SLC14A2: variants seen among roughly 807,000 people sequenced by gnomAD.
The protein encoded by SLC14A2 is urea transporter 2.
SLC14A2 carries 91 observed loss-of-function variants against 104.6 expected under a neutral mutation model. That is an observed-to-expected ratio of 0.87 (90% CI 0.73 to 1.04). The LOEUF is 1.04. Among genes scored for constraint, SLC14A2 ranks in the 50% least tolerant of loss-of-function variants. The probability of loss-of-function intolerance (pLI) is 0.00; values close to 1 mark genes in which losing one functional copy is unlikely to be tolerated. For missense variants in SLC14A2, 1,189 were observed against 1,156.0 expected (o/e 1.03, Z -0.41); for synonymous variants, 476 against 466.4 (o/e 1.02, Z -0.27).
chr18:45,587,105 G>A (rs897501082), intron 2 of SLC14A2, among the ~76,000 whole-genome samples: 1 of 152,084 alleles, frequency 6.6e-6, no homozygotes, highest in Non-Finnish European at 1.5e-5. Context: ...CTACTGACTA[G>A]CTGGGATTAC....
intron 2 of SLC14A2, among the ~76,000 whole-genome samples, chr18:45,600,794 A>G (rs564600012): frequency 6.6e-6 from 1 of 152,320 alleles, no homozygotes; most frequent in South Asian, 2.1e-4. Context: ...CTTCCCTTAC[A>G]AAACGCAAAT....
chr18:45,643,223 C>T, intron 9 of SLC14A2, 42 bp downstream of exon 9: 2 of 1,564,318 alleles, frequency 1.3e-6, no homozygotes, highest in South Asian at 1.1e-5. Context: ...AAGTGCTCTT[C>T]CCAGAGCTTC....
intron 1 of SLC14A2, among the ~76,000 whole-genome samples, chr18:45,352,954 T>C (rs922135011): frequency 6.6e-6 from 1 of 152,020 alleles, no homozygotes; most frequent in Non-Finnish European, 1.5e-5. Flanking sequence ...TATAGACAAA[T>C]AAAAAGTGAC....
intron 2 of SLC14A2, among the ~76,000 whole-genome samples, chr18:45,549,739 T>A (rs1372561224): frequency 6.6e-6 from 1 of 152,138 alleles, no homozygotes; most frequent in African/African-American, 2.4e-5. Context: ...TCCATCAGAG[T>A]AATAAGCTCT....
chr18:45,674,266 T>C (rs185184839), intron 18 of SLC14A2, among the ~76,000 whole-genome samples: 199 of 152,334 alleles, frequency 1.3e-3, no homozygotes, highest in African/African-American at 4.6e-3. Context: ...GTTATATGAC[T>C]GGAAACCAAA....
intron 10 of SLC14A2, chr18:45,647,155 T>C (rs1256542430): frequency 2.0e-5 from 3 of 152,242 alleles, no homozygotes; most frequent in African/African-American, 7.2e-5. Flanking sequence ...CTTGTCCTGC[T>C]GCACTTTAAA....
chr18:45,268,992 A>C (rs2084622775), intron 1 of SLC14A2, among the ~76,000 whole-genome samples: 1 of 82,224 alleles, frequency 1.2e-5, no homozygotes, highest in African/African-American at 7.6e-5. Flanking sequence ...GTGTGTACAA[A>C]ACGGGATGGG....
At chr18:45,321,602 T>C (rs995637078) in intron 1 of SLC14A2, among the ~76,000 whole-genome samples, 14 of 151,670 alleles carry the variant, frequency 9.2e-5, no homozygotes, top group African/African-American at 3.4e-4. Context: ...AAAGACAGAG[T>C]CCCTATAAAC....
At chr18:45,309,869 C>T (rs1222844432) in intron 1 of SLC14A2, among the ~76,000 whole-genome samples, 1 of 151,936 alleles carries the variant, frequency 6.6e-6, no homozygotes, top group Non-Finnish European at 1.5e-5. Context: ...CAGAAGTAAT[C>T]GTTATTCTAA....
intron 4 of SLC14A2, among the ~76,000 whole-genome samples, chr18:45,627,534 T>G (rs1157974865): frequency 6.6e-6 from 1 of 152,126 alleles, no homozygotes; most frequent in African/African-American, 2.4e-5. Flanking sequence ...TTGGGAAGAT[T>G]AGAGAGGCTA....
At chr18:45,397,348 T>C (rs1316974841) in intron 1 of SLC14A2, among the ~76,000 whole-genome samples, 1 of 152,228 alleles carries the variant, frequency 6.6e-6, no homozygotes, top group Non-Finnish European at 1.5e-5. Context: ...TTTTTAATAG[T>C]AACCATTCTA....
chr18:45,672,101 G>A lies in SLC14A2; in HGVS notation c.2230-799G>A, dbSNP rs574700613. On this transcript the variant is annotated intron_variant, in intron 16 of 19. Coordinates refer to ENST00000255226, the MANE Select transcript of SLC14A2 (RefSeq NM_007163.4). ...TGGGCGATACTACCTTCTCCTGGCC[G>A]CTCCTGTAGATACTAGTCGAGTTCC... 5.9e-5 allele frequency among the ~76,000 whole-genome samples: 9 copies of A among 152,250 alleles called. No individual in the cohort carries two copies. The South Asian group carries it at 6.2e-4, about 11-fold the overall frequency.
chr18:45,664,830 T>C (rs533412355), intron 11 of SLC14A2, among the ~76,000 whole-genome samples: 85 of 151,776 alleles, frequency 5.6e-4, no homozygotes, highest in Non-Finnish European at 1.1e-3. Flanking sequence ...AGCTCAGGAG[T>C]TTGTCTTTGA....
At chr18:45,186,277 T>C in the SLC14A2 span, among the ~76,000 whole-genome samples, 11 of 152,290 alleles carry the variant, frequency 7.2e-5, no homozygotes, top group South Asian at 2.1e-4. Flanking sequence ...AGACATCAGG[T>C]CAATAAGACA....
At chr18:45,170,314 G>T in the SLC14A2 span, among the ~76,000 whole-genome samples, 2 of 152,100 alleles carry the variant, frequency 1.3e-5, no homozygotes, top group Non-Finnish European at 2.9e-5. Context: ...AAGCAGAAGG[G>T]CAGGCAGAGG....
At chr18:45,228,625 G>A (rs994606560) in intron 1 of SLC14A2, among the ~76,000 whole-genome samples, 12 of 152,092 alleles carry the variant, frequency 7.9e-5, no homozygotes, top group Non-Finnish European at 1.6e-4. Flanking sequence ...CTTAGTTAGG[G>A]GGTGGAAAGA....
intron 1 of SLC14A2, among the ~76,000 whole-genome samples, chr18:45,255,759 G>C (rs1015660732): frequency 1.3e-5 from 2 of 152,030 alleles, no homozygotes; most frequent in Non-Finnish European, 2.9e-5. Flanking sequence ...GTTTTAACTA[G>C]CAGGGGGAAA....
At chr18:45,627,981 T>C (rs1450120226) in intron 4 of SLC14A2, among the ~76,000 whole-genome samples, 1 of 123,354 alleles carries the variant, frequency 8.1e-6, no homozygotes, top group Non-Finnish European at 1.6e-5. Flanking sequence ...CCAGCCAGGG[T>C]GACAGAGCAA....
At chr18:45,593,609 C>A (rs889059291) in intron 2 of SLC14A2, among the ~76,000 whole-genome samples, 1 of 150,050 alleles carries the variant, frequency 6.7e-6, no homozygotes, top group Non-Finnish European at 1.5e-5. Flanking sequence ...CCTGCCTCAG[C>A]CTCCCAAGTT....
Sources: allele counts gnomAD v4.1 joint callset (sites outside exome capture counted in the v4.1 genomes callset), GRCh38; gene constraint gnomAD v4.1.1; transcripts MANE v1.5; gene names NCBI Gene and HGNC (gene_info 2026-07-23, HGNC 2026-07-21).